The following DTX1 variants were observed in gnomAD, a reference collection of about 807,000 sequenced individuals.
DTX1 encodes deltex E3 ubiquitin ligase 1, also known as E3 ubiquitin-protein ligase DTX1.
Under a neutral mutation model 57.8 loss-of-function variants are expected in DTX1, and 26 were observed. The ratio of observed to expected loss-of-function variants is 0.45; its 90% CI spans 0.33 to 0.62. The LOEUF is 0.62. DTX1 is among the 20% of genes least tolerant of loss of function. The pLI is 0.02. For missense variants in DTX1, 704 were observed against 895.3 expected (o/e 0.79, Z 2.73); for synonymous variants, 398 against 394.1 (o/e 1.01, Z -0.12).
At chr12:113,076,458 GA>G (rs56382675) in intron 2 of DTX1, among the ~76,000 whole-genome samples, 12,714 of 126,484 alleles carry the variant, frequency 0.1, 1,564 homozygotes, top group African/African-American at 0.29. Flanking sequence ...ACTCTGCCTG[GA>G]AAAAAAAAAA....
chr12:113,060,698 A>G (rs868035034), intron 2 of DTX1, among the ~76,000 whole-genome samples: 2 of 152,216 alleles, frequency 1.3e-5, no homozygotes, highest in Non-Finnish European at 2.9e-5. Flanking sequence ...CATTAGCTCC[A>G]TGTGCCCATT....
At chr12:113,066,173 C>T (rs1248346660) in intron 2 of DTX1, among the ~76,000 whole-genome samples, 1 of 152,172 alleles carries the variant, frequency 6.6e-6, no homozygotes, top group Non-Finnish European at 1.5e-5. Flanking sequence ...ACAGCTACCT[C>T]GGGGAATGCT....
rs2044638321 is a variant in DTX1 at position 113,057,878 on chromosome 12, C to G, written c.-315C>G. The G allele has an allele frequency of 2.7e-6, 1 of 369,222 alleles. No homozygotes were observed. Among genetic ancestry groups the G allele is most frequent in the Non-Finnish European group, 4.9e-6 (1 of 204,450 alleles). 22.9% of individuals were successfully genotyped at this position (369,222 alleles called of 1,614,324 possible). ...ACCTCGAACAGGGGCGGCTGCCTCA[C>G]TCCCTACCTGAGCCAGCCGAGGGGG... On this transcript the variant is annotated 5_prime_UTR_variant, in exon 2 of 10. Transcript: ENST00000548759.
intron 3 of DTX1, among the ~76,000 whole-genome samples, chr12:113,078,693 G>A (rs2044794179): frequency 6.6e-6 from 1 of 152,142 alleles, no homozygotes; most frequent in Non-Finnish European, 1.5e-5. Context: ...AGTCTGTGCT[G>A]TGTTGTCTTA....
chr12:113,061,175 TCACTCCACACC>T, intron 2 of DTX1, among the ~76,000 whole-genome samples: 1 of 152,064 alleles, frequency 6.6e-6, no homozygotes, highest in Non-Finnish European at 1.5e-5. Context: ...CCAGAGCTGT[TCACTCCACACC>T]TGCCCCCTGT....
chr12:113,077,999 A>G lies in DTX1; in HGVS notation c.835A>G (p.Ser279Gly). Reference protein sequence around the residue: ...PAPPPGAPPRSPGAPGGARTP... With the variant: ...PAPPPGAPPRGPGAPGGARTP... The stretch of plus-strand genomic sequence containing the variant: ...GCCGCCTCCCGGGGCGCCCCCACGG[A>G]GCCCGGGCGCCCCCGGCGGAGCGCG... The change falls in exon 3 of 10, where the codon AGC becomes GGC. Residue 279 changes from serine (S) to glycine (G), a missense_variant. Ser to Gly is a moderately conservative substitution (Grantham distance 56). Coordinates refer to ENST00000548759, the MANE Select transcript of DTX1 (RefSeq NM_004416.3). This position sits in a 1 kb window ranked among gnomAD's most constrained non-coding sequence, Gnocchi z 7.8. The G allele has an allele frequency of 9.1e-7, 1 of 1,099,856 alleles. No individual in the cohort carries two copies. Among genetic ancestry groups the G allele is most frequent in the East Asian group, 4.9e-5 (1 of 20,208 alleles). The allele number at this position is 1,099,856 out of a possible 1,614,324, so 68.1% of individuals were successfully genotyped here. A position where few individuals can be genotyped will look rare whatever the true frequency, so the allele number is the denominator to read the frequency against.
chr12:113,078,681 A>G (rs2044793990), intron 3 of DTX1, among the ~76,000 whole-genome samples: 1 of 152,144 alleles, frequency 6.6e-6, no homozygotes, highest in Non-Finnish European at 1.5e-5. Flanking sequence ...GCCCAATTCC[A>G]AAGTCTGTGC....
Position 113,094,879 on chromosome 12 carries a change from C to T in DTX1, c.1318C>T (p.Arg440Cys), listed in dbSNP as rs183848543. ...GGGCGTGCGGCCTGAGCTCGTGGGCCGCCTGGGCCGCTGTGGCCACATGTA... is the reference window on the plus strand; with the variant it reads ...GGGCGTGCGGCCTGAGCTCGTGGGCTGCCTGGGCCGCTGTGGCCACATGTA... Reference protein sequence around the residue: ...HKGVRPELVGRLGRCGHMYHL... With the variant: ...HKGVRPELVGCLGRCGHMYHL... Residue 440 changes from arginine to cysteine, a missense_variant, in exon 7 of 10, where the codon CGC becomes TGC. Arg to Cys is a radical substitution (Grantham distance 180, BLOSUM62 -3). This residue lies in a region of DTX1 where 168 missense variants were observed against 255.6 expected (regional missense o/e 0.66). Transcript: ENST00000548759. 149 of 1,613,684 alleles carry T rather than the reference C, an allele frequency of 9.2e-5. No homozygotes were observed. The East Asian group carries it at 2.2e-3, about 23-fold the overall frequency.
rs1358052952 is a variant in DTX1, at chr12:113,078,056, G to A, written c.892G>A (p.Gly298Arg). 5.8e-6 allele frequency: 8 copies of A among 1,377,466 alleles called. No individual in the cohort carries two copies. The highest frequency in any genetic ancestry group is 1.5e-5 in the African/African-American group (1 of 66,020). The allele number at this position is 1,377,466 out of a possible 1,614,324, so 85.3% of individuals were successfully genotyped here. A position where few individuals can be genotyped will look rare whatever the true frequency, so the allele number is the denominator to read the frequency against. ...GGGGCAGAACAACCTCAACCGGCCCGGGCCCCAGCGCACCACCAGCGTGAG... is the reference window on the plus strand; with the variant it reads ...GGGGCAGAACAACCTCAACCGGCCCAGGCCCCAGCGCACCACCAGCGTGAG... ...TPGQNNLNRP[G>R]PQRTTSVSAR... The change falls in exon 3 of 10, where the codon GGG becomes AGG. Residue 298 changes from glycine to arginine, a missense_variant. By Grantham distance (125) the Gly-to-Arg change is moderately radical. Coordinates refer to ENST00000548759, the MANE Select transcript of DTX1 (RefSeq NM_004416.3).
chr12:113,064,211 A>C (rs1163457400), intron 2 of DTX1, among the ~76,000 whole-genome samples: 1 of 152,172 alleles, frequency 6.6e-6, no homozygotes, highest in African/African-American at 2.4e-5. Context: ...CAGGGGCAAG[A>C]AAGACTATGT....
chr12:113,077,902 C>A lies in DTX1; in HGVS notation c.738C>A (p.Ala246=). ...PPPGGPPGAL[A]VRPSATFTGA... ...CTGGAGGGCCTCCAGGCGCGCTTGCCGTGCGCCCCAGCGCCACCTTCACAG... is the reference window on the plus strand; with the variant it reads ...CTGGAGGGCCTCCAGGCGCGCTTGCAGTGCGCCCCAGCGCCACCTTCACAG... Residue 246 remains alanine (A), a synonymous_variant, in exon 3 of 10, where the codon GCC becomes GCA. Coordinates refer to ENST00000548759, the MANE Select transcript of DTX1 (RefSeq NM_004416.3). The surrounding 1 kb of genome is among the most constrained non-coding windows in gnomAD (Gnocchi z 7.8). The A allele has an allele frequency of 1.6e-6, 2 of 1,244,542 alleles. No homozygotes were observed. The highest frequency in any genetic ancestry group is 3.0e-5 in the South Asian group (1 of 33,316). 77.1% of individuals were successfully genotyped at this position (1,244,542 alleles called of 1,614,324 possible). A position where few individuals can be genotyped will look rare whatever the true frequency, so the allele number is the denominator to read the frequency against.
chr12:113,070,305 GC>G (rs947578685), intron 2 of DTX1, among the ~76,000 whole-genome samples: 1 of 152,216 alleles, frequency 6.6e-6, no homozygotes, highest in Non-Finnish European at 1.5e-5. Context: ...CCCAGCCACT[GC>G]CCAACCCCCG....
intron 2 of DTX1, among the ~76,000 whole-genome samples, chr12:113,069,110 G>A (rs2044723250): frequency 6.6e-6 from 1 of 152,154 alleles, no homozygotes; most frequent in Admixed American, 6.5e-5. Context: ...ACAGCGCCTG[G>A]CACATAGTAG....
chr12:113,073,908 C>T (rs936814988), intron 2 of DTX1, among the ~76,000 whole-genome samples: 1 of 152,194 alleles, frequency 6.6e-6, no homozygotes, highest in South Asian at 2.1e-4. Flanking sequence ...AGTGAGGATA[C>T]GCAGCATAAA....
chr12:113,092,627 A>C (rs1950256843), intron 3 of DTX1, among the ~76,000 whole-genome samples: 1 of 152,228 alleles, frequency 6.6e-6, no homozygotes, highest in Admixed American at 6.5e-5. Flanking sequence ...ACCTGGACTT[A>C]TCATTGTTAA....
chr12:113,079,050 C>T (rs769705063), intron 3 of DTX1, among the ~76,000 whole-genome samples: 2 of 152,028 alleles, frequency 1.3e-5, no homozygotes, highest in Non-Finnish European at 2.9e-5. Context: ...ATCAAGTTTG[C>T]AAATTCTTGG....
At position 113,097,316 on chromosome 12, in the gene DTX1, C is replaced by A; in HGVS notation, c.*377C>A. On this transcript the variant is annotated 3_prime_UTR_variant, in exon 10 of 10. Coordinates refer to ENST00000548759, the MANE Select transcript of DTX1 (RefSeq NM_004416.3). ...CCCCATGACCCCCCCATGTGGATCC[C>A]CATCTGTGTCTCAGTTGCATCTGTA... 1 of 217,310 alleles carries A rather than the reference C, an allele frequency of 4.6e-6. No homozygotes were observed. The highest frequency in any genetic ancestry group is 9.1e-6 in the Non-Finnish European group (1 of 110,174). The allele number at this position is 217,310 out of a possible 1,614,324, so 13.5% of individuals were successfully genotyped here.
chr12:113,062,377 A>G (rs1000897386), intron 2 of DTX1, among the ~76,000 whole-genome samples: 4 of 152,230 alleles, frequency 2.6e-5, no homozygotes, highest in Non-Finnish European at 5.9e-5. Flanking sequence ...GCTGTGTTCT[A>G]ATCAAACTAG....
At chr12:113,094,123 G>C in intron 6 of DTX1, 24 bp downstream of exon 6, 2 of 1,448,892 alleles carry the variant, frequency 1.4e-6, no homozygotes, top group South Asian at 1.2e-5. Context: ...GGGGGGGCTG[G>C]GGGAGGGCCC....
Sources: gnomAD v4.1 joint callset for allele counts (sites outside exome capture counted in the v4.1 genomes callset) on GRCh38, gnomAD v4.1.1 for gene constraint, gnomAD v4.1.1 regional missense constraint, Gnocchi (gnomAD v3.1) non-coding constraint, MANE v1.5 for transcripts, NCBI Gene and HGNC (gene_info 2026-07-23, HGNC 2026-07-21) for gene names.